The following TFR2 variants were observed in gnomAD, a reference collection of about 807,000 sequenced individuals.
TFR2 encodes the protein transferrin receptor protein 2.
Under a neutral mutation model 91.9 loss-of-function variants are expected in TFR2, and 64 were observed. The ratio of observed to expected loss-of-function variants is 0.70; its 90% CI spans 0.57 to 0.86. TFR2 has a LOEUF of 0.86. TFR2 is among the 40% of genes least tolerant of loss of function. The pLI is 0.00. For synonymous variants in TFR2, 454 were observed against 459.6 expected, an observed-to-expected ratio of 0.99 and a Z score of 0.15; for missense variants, 950 against 1,080.5, an observed-to-expected ratio of 0.88 and a Z score of 1.69.
Position 100,627,474 on chromosome 7 carries a change from T to C in TFR2, c.1785A>G (p.Pro595=), listed in dbSNP as rs1391340719. Residue 595 remains proline, a synonymous_variant, in exon 16 of 18, where the codon CCA becomes CCG. Coordinates refer to ENST00000223051, the MANE Select transcript of TFR2 (RefSeq NM_003227.4). ...AAGTGTCCTCCTTTGTGTGCAGGAA[T>C]GGGTAGGCCTGGTCGTCCTGCCAGG... ...FSFMEDDQAY[P]FLHTKEDTYE... is the part of the protein sequence containing the mutation. The C allele has an allele frequency of 6.2e-7, 1 of 1,608,810 alleles. No homozygotes were observed.
rs367946291 is a variant in TFR2, at chr7:100,620,833, G to A, written c.*24C>T. Reference sequence around the variant, plus strand: ...GCAGAGGAGCTCTTGACTGGGGGACGGGGATGTGAGGATCCCCAGGGCCTC... The same window carrying A: ...GCAGAGGAGCTCTTGACTGGGGGACAGGGATGTGAGGATCCCCAGGGCCTC... On this transcript the variant is annotated 3_prime_UTR_variant, in exon 18 of 18. Coordinates refer to ENST00000223051, the MANE Select transcript of TFR2 (RefSeq NM_003227.4). The A allele has an allele frequency of 5.1e-5, 82 of 1,613,584 alleles. No homozygotes were observed. The African/African-American group carries it at 6.4e-4, about 13-fold the overall frequency.
In TFR2 at chr7:100,633,280, C is replaced by T. The variant is rs771552498; in HGVS notation, c.675G>A (p.Pro225=). 1.2e-6 allele frequency: 2 copies of T among 1,613,828 alleles called. No individual in the cohort carries two copies. The highest frequency in any genetic ancestry group is 2.2e-5 in the East Asian group (1 of 44,866). ...DEAGKVGEQL[P]LEDPDVYCPY... ...GGCAGTAGACGTCAGGGTCCTCCAG[C>T]GGCAGCTGCTCTCCGACCTTCCCGG... Residue 225 remains proline, a synonymous_variant, in exon 5 of 18, where the codon CCG becomes CCA. Coordinates refer to ENST00000223051, the MANE Select transcript of TFR2 (RefSeq NM_003227.4).
intron 17 of TFR2, among the ~76,000 whole-genome samples, chr7:100,622,744 G>A (rs1803142624): frequency 5.3e-5 from 8 of 151,556 alleles, no homozygotes; most frequent in Admixed American, 3.9e-4. Flanking sequence ...ATCATCTGAG[G>A]TCAGGAGTTT....
At chr7:100,632,961 T>C (rs760089463) in intron 6 of TFR2, 40 bp downstream of exon 6, 1 of 1,613,282 alleles carries the variant, frequency 6.2e-7, no homozygotes, top group Admixed American at 1.7e-5. Context: ...GACCCTCCGG[T>C]TCCCGGGCTC....
intron 6 of TFR2, 178 bp downstream of exon 6, chr7:100,632,823 G>T: frequency 3.1e-6 from 3 of 969,500 alleles, no homozygotes; most frequent in Non-Finnish European, 4.7e-6. Flanking sequence ...CTCCTGTCTT[G>T]GCCTCCTAAA....
intron 9 of TFR2, among the ~76,000 whole-genome samples, chr7:100,630,040 A>G (rs1803387281): frequency 6.6e-6 from 1 of 151,994 alleles, no homozygotes; most frequent in East Asian, 2.0e-4. Flanking sequence ...CACCGCACCC[A>G]GCCAATTTCT....
In TFR2 at chr7:100,621,091, T is replaced by C. The variant is rs141140309; in HGVS notation, c.2172A>G (p.Pro724=). Residue 724 remains proline, a synonymous_variant, in exon 18 of 18, where the codon CCA becomes CCG. Coordinates refer to ENST00000223051, the MANE Select transcript of TFR2 (RefSeq NM_003227.4). ...AGATGTGGCGGAACGGGGAGTCGGC[T>C]GGCGACACGTACTGGGAAAGGAAGT... ...EFYFLSQYVS[P]ADSPFRHIFM... 3,164 of 1,539,742 alleles carry C rather than the reference T, an allele frequency of 2.1e-3. 3 individuals are homozygous for C. The highest frequency in any genetic ancestry group is 2.6e-3 in the Non-Finnish European group (2,952 of 1,138,026).
chr7:100,637,917 C>A (rs1299037791), intron 3 of TFR2, among the ~76,000 whole-genome samples: 1 of 151,970 alleles, frequency 6.6e-6, no homozygotes. Flanking sequence ...CCGCAACCTC[C>A]GCCTCCTGGG....
Position 100,628,268 on chromosome 7 carries a change from C to G in TFR2, c.1429G>C (p.Asp477His). ...PRRSLLFISW[D>H]GGDFGSVGST... ...CCCACGCTTCCAAAGTCACCACCGT[C>G]CCAGCTGATGAAGAGGAGACTTCTG... Residue 477 changes from aspartate to histidine, a missense_variant, in exon 11 of 18, where the codon GAC becomes CAC. Asp to His is a moderately conservative substitution (Grantham distance 81). Transcript: ENST00000223051. 2 of 1,613,970 alleles carry G rather than the reference C, an allele frequency of 1.2e-6. No homozygotes were observed. The highest frequency in any genetic ancestry group is 1.7e-6 in the Non-Finnish European group (2 of 1,179,954).
At chr7:100,633,380 C>T (rs765020263) in intron 4 of TFR2, 36 bp downstream of exon 4, 17 of 1,607,840 alleles carry the variant, frequency 1.1e-5, no homozygotes, top group Non-Finnish European at 1.4e-5. Context: ...GCCGCGTCCC[C>T]CTCCCCGCGC....
intron 17 of TFR2, among the ~76,000 whole-genome samples, chr7:100,624,283 G>A (rs929399328): frequency 2.0e-5 from 3 of 151,932 alleles, no homozygotes; most frequent in South Asian, 2.1e-4. Flanking sequence ...TCCACACCCC[G>A]CTTCCAAGTA....
chr7:100,633,840 C>G (rs930140132), intron 3 of TFR2, among the ~76,000 whole-genome samples: 1 of 150,680 alleles, frequency 6.6e-6, no homozygotes, highest in East Asian at 2.0e-4. Context: ...TCCCTCGTAT[C>G]AGGGATTACA....
chr7:100,630,203 TCTTCCTTCCTTC>T (rs56033226), intron 9 of TFR2, among the ~76,000 whole-genome samples: 57 of 149,752 alleles, frequency 3.8e-4, no homozygotes, highest in Middle Eastern at 3.4e-3. Flanking sequence ...CATGCTTGAG[TCTTCCTTCCTTC>T]CTTCCTTCCT....
chr7:100,627,228 C>T (rs748426608), intron 16 of TFR2, 36 bp downstream of exon 16: 1 of 1,545,834 alleles, frequency 6.5e-7, no homozygotes, highest in South Asian at 1.2e-5. Context: ...GTGCCTCCCA[C>T]TCCCAGAGAC....
chr7:100,628,748 C>T (rs1803339312), intron 10 of TFR2, among the ~76,000 whole-genome samples: 1 of 151,246 alleles, frequency 6.6e-6, no homozygotes, highest in African/African-American at 2.4e-5. Flanking sequence ...GATTATCATT[C>T]ATGTCACTTT....
At chr7:100,637,980 C>A (rs941659236) in intron 3 of TFR2, among the ~76,000 whole-genome samples, 1 of 151,734 alleles carries the variant, frequency 6.6e-6, no homozygotes, top group Non-Finnish European at 1.5e-5. Context: ...TACAGGCATG[C>A]GCCACTACGC....
chr7:100,626,720 G>A, intron 17 of TFR2, 43 bp downstream of exon 17: 1 of 1,535,046 alleles, frequency 6.5e-7, no homozygotes, highest in Non-Finnish European at 8.7e-7. Flanking sequence ...CCCCAGGGGA[G>A]GGGCGGGACA....
intron 17 of TFR2, among the ~76,000 whole-genome samples, chr7:100,625,307 C>T (rs1326824876): frequency 6.6e-6 from 1 of 152,126 alleles, no homozygotes; most frequent in Non-Finnish European, 1.5e-5. Context: ...GATCCGCCCA[C>T]CTCAGCCTCC....
chr7:100,627,489 G>T lies in TFR2; in HGVS notation c.1770C>A (p.Asp590Glu). ...VPAVEFSFME[D>E]DQAYPFLHTK... ...TGTGCAGGAATGGGTAGGCCTGGTC[G>T]TCCTGCCAGGACAGGGTGGACGCTG... The change falls in exon 16 of 18, where the codon GAC (aspartate) becomes GAA (glutamate). Residue 590 changes from aspartate (D) to glutamate (E), a missense_variant and splice_region_variant. Coordinates refer to ENST00000223051, the MANE Select transcript of TFR2 (RefSeq NM_003227.4). 1 of 1,611,608 alleles carries T rather than the reference G, an allele frequency of 6.2e-7. No individual in the cohort carries two copies. Among genetic ancestry groups the T allele is most frequent in the Non-Finnish European group, 8.5e-7 (1 of 1,178,844 alleles).
Sources: gnomAD v4.1 joint callset for allele counts (sites outside exome capture counted in the v4.1 genomes callset) on GRCh38, gnomAD v4.1.1 for gene constraint, MANE v1.5 for transcripts, NCBI Gene and HGNC (gene_info 2026-07-23, HGNC 2026-07-21) for gene names.